Variants in SOX5 observed in about 807,000 individuals in gnomAD.
The protein encoded by SOX5 is transcription factor SOX-5.
A neutral mutation model predicts 92.0 loss-of-function variants in SOX5; 9 were observed. The ratio of observed to expected loss-of-function variants is 0.10; its 90% CI spans 0.06 to 0.17. SOX5 has a LOEUF of 0.17. Ranked by LOEUF, SOX5 falls within the 10% of genes least tolerant of loss-of-function variation. SOX5 has a pLI of 1.00. For synonymous variants in SOX5, 344 were observed against 336.3 expected (o/e 1.02, Z -0.25); for missense variants, 642 against 944.5 (o/e 0.68, Z 4.20).
chr12:23,907,287 C>G (rs577713005), intron 1 of SOX5, among the ~76,000 whole-genome samples: 1 of 152,022 alleles, frequency 6.6e-6, no homozygotes, highest in African/African-American at 2.4e-5. Context: ...GGAAGAGAAA[C>G]TTTACTATCT....
At chr12:24,023,788 G>T (rs1014379787) in intron 4 of SOX5, among the ~76,000 whole-genome samples, 1 of 152,010 alleles carries the variant, frequency 6.6e-6, no homozygotes, top group African/African-American at 2.4e-5. Flanking sequence ...GCCATGTGCT[G>T]CAGGTATCTG....
chr12:24,424,737 G>C (rs1157176442), intron 1 of SOX5, among the ~76,000 whole-genome samples: 2 of 149,706 alleles, frequency 1.3e-5, no homozygotes, highest in Non-Finnish European at 1.5e-5. Flanking sequence ...AACTCTGAAA[G>C]TGTTAGCAAA....
chr12:24,136,599 A>G (rs183791579), intron 4 of SOX5, among the ~76,000 whole-genome samples: 47 of 152,282 alleles, frequency 3.1e-4, no homozygotes, highest in Non-Finnish European at 6.2e-4. Context: ...GCTATTGTTT[A>G]AGGGGGCTTC....
chr12:23,659,084 A>G (rs987886586), intron 7 of SOX5, among the ~76,000 whole-genome samples: 2 of 152,062 alleles, frequency 1.3e-5, no homozygotes, highest in Admixed American at 6.6e-5. Flanking sequence ...TTGTTTTAGC[A>G]CTCATCACCA....
chr12:23,949,079 A>T (rs1343854968), intron 1 of SOX5, among the ~76,000 whole-genome samples: 1 of 152,140 alleles, frequency 6.6e-6, no homozygotes, highest in Non-Finnish European at 1.5e-5. Context: ...TGCTTTACTG[A>T]GCAGCTTCCA....
chr12:24,162,607 A>G lies in SOX5; in HGVS notation c.-2+50736T>C, dbSNP rs190633083. ...TCTAATTAGGAAAAAACCGTGGCTT[A>G]CAATTCCATCAGGGCAGAGCCACGA... is the stretch of plus-strand genomic sequence containing the variant. On this transcript the variant is annotated intron_variant, in intron 4 of 4. Coordinates refer to the SOX5 transcript ENST00000446891. 1.9e-3 allele frequency among the ~76,000 whole-genome samples: 292 copies of G among 152,290 alleles called. 2 individuals carry two copies. Among genetic ancestry groups the G allele is most frequent in the African/African-American group, 6.9e-3 (288 of 41,582 alleles).
intron 4 of SOX5, among the ~76,000 whole-genome samples, chr12:24,050,841 C>A (rs111725079): frequency 0.019 from 2,834 of 152,040 alleles, 37 homozygotes; most frequent in Middle Eastern, 0.027. Context: ...CATTCTTCTT[C>A]TTCTTATTAT....
intron 3 of SOX5, chr12:24,238,009 T>G (rs1487944568): frequency 6.6e-6 from 1 of 152,158 alleles, no homozygotes; most frequent in Non-Finnish European, 1.5e-5. Flanking sequence ...GTTGGCAACC[T>G]CAGCTGAAGA....
At chr12:24,465,755 T>TA (rs1163997498) in intron 1 of SOX5, among the ~76,000 whole-genome samples, 2 of 152,212 alleles carry the variant, frequency 1.3e-5, no homozygotes, top group African/African-American at 4.8e-5. Flanking sequence ...ATCAATGTGG[T>TA]AAATGGCACT....
chr12:23,922,697 T>G (rs1938675595), intron 1 of SOX5, among the ~76,000 whole-genome samples: 1 of 152,244 alleles, frequency 6.6e-6, no homozygotes, highest in African/African-American at 2.4e-5. Flanking sequence ...TAAGTTCAAG[T>G]GCTATTAAAT....
intron 4 of SOX5, among the ~76,000 whole-genome samples, chr12:24,134,544 C>T (rs938210545): frequency 1.2e-4 from 19 of 152,256 alleles, no homozygotes; most frequent in Admixed American, 7.2e-4. Flanking sequence ...TGCACACACA[C>T]ACATAAACAC....
chr12:24,412,481 T>G (rs1056060250), intron 1 of SOX5, among the ~76,000 whole-genome samples: 4 of 152,088 alleles, frequency 2.6e-5, no homozygotes, highest in Non-Finnish European at 4.4e-5. Flanking sequence ...CGTGTTCTAT[T>G]TTTATTGTCA....
rs998166411 is a variant in SOX5 at position 23,860,986 on chromosome 12, A to G, written c.271-14793T>C. 2.0e-5 allele frequency among the ~76,000 whole-genome samples: 3 copies of G among 149,564 alleles called. No individual in the cohort carries two copies. In the South Asian group the frequency reaches 6.3e-4, roughly 31 times the overall value. On this transcript the variant is annotated intron_variant, in intron 2 of 14. Coordinates refer to ENST00000451604, the MANE Select transcript of SOX5 (RefSeq NM_006940.6). Reference sequence around the variant, plus strand: ...AAAAAAAAAAAAAAAAAACCCTGCCAACATAGAAATAATAATGAGCACCTA... The same window carrying G: ...AAAAAAAAAAAAAAAAAACCCTGCCGACATAGAAATAATAATGAGCACCTA...
rs137943769 is a variant in SOX5, at chr12:23,553,169, T to C, written c.1489-6745A>G. On this transcript the variant is annotated intron_variant, in intron 11 of 14. Transcript: ENST00000451604. ...GTAATCAATAATTCCATAATTCTTT[T>C]CTTAAATTCAAGGAAGACATTTCAA... is the stretch of plus-strand genomic sequence containing the variant. Among the ~76,000 whole-genome samples, 1,231 of 152,142 alleles carry C rather than the reference T, an allele frequency of 8.1e-3. 9 individuals are homozygous for C. Among genetic ancestry groups the C allele is most frequent in the Middle Eastern group, 0.048 (14 of 294 alleles).
chr12:24,235,128 TG>T (rs1290255958), intron 3 of SOX5, among the ~76,000 whole-genome samples: 6 of 152,230 alleles, frequency 3.9e-5, no homozygotes, highest in African/African-American at 1.4e-4. Context: ...GACTTCGGGA[TG>T]GCCCTTCATC....
rs1344589533 is a variant in SOX5 at position 23,533,885 on chromosome 12, G to GAACA, written c.*330_*333dup. 5 of 195,748 alleles carry GAACA rather than the reference G, an allele frequency of 2.6e-5. No homozygotes were observed. Among genetic ancestry groups the GAACA allele is most frequent in the African/African-American group, 9.5e-5 (4 of 42,116 alleles). The allele number at this position is 195,748 out of a possible 1,614,324, so 12.1% of individuals were successfully genotyped here. A position where few individuals can be genotyped will look rare whatever the true frequency, so the allele number is the denominator to read the frequency against. Reference sequence around the variant, plus strand: ...GAGTGAGAATTTCTAGAACATTGTAGAACAAACAGCCATAAAGTTTATTTA... The same window carrying GAACA: ...GAGTGAGAATTTCTAGAACATTGTAGAACAAACAAACAGCCATAAAGTTTATTTA... On this transcript the variant is annotated 3_prime_UTR_variant, in exon 15 of 15. Coordinates refer to ENST00000451604, the MANE Select transcript of SOX5 (RefSeq NM_006940.6).
chr12:24,101,064 G>A (rs1946037540), intron 4 of SOX5, among the ~76,000 whole-genome samples: 2 of 152,012 alleles, frequency 1.3e-5, no homozygotes, highest in South Asian at 4.1e-4. Flanking sequence ...TCTCCACAGA[G>A]TGAACAATCA....
chr12:24,171,236 T>TGTTTTG (rs1954103797), intron 4 of SOX5, among the ~76,000 whole-genome samples: 1 of 130,220 alleles, frequency 7.7e-6, no homozygotes, highest in Non-Finnish European at 1.7e-5. Context: ...TTTGTTTTTT[T>TGTTTTG]TTTTGGAGAC....
intron 3 of SOX5, among the ~76,000 whole-genome samples, chr12:24,221,629 T>C (rs142136692): frequency 6.6e-5 from 10 of 152,350 alleles, no homozygotes; most frequent in African/African-American, 2.4e-4. Flanking sequence ...GATACTATTC[T>C]AAGCAATGTG....
Sources: allele counts gnomAD v4.1 joint callset (sites outside exome capture counted in the v4.1 genomes callset), GRCh38; gene constraint gnomAD v4.1.1; transcripts MANE v1.5; gene names NCBI Gene and HGNC (gene_info 2026-07-23, HGNC 2026-07-21).